The following CMIP variants were observed in gnomAD, a reference collection of about 807,000 sequenced individuals.
CMIP encodes C-Maf-inducing protein.
CMIP carries 13 observed loss-of-function variants against 97.3 expected under a neutral mutation model. That is an observed-to-expected ratio of 0.13 (90% CI 0.09 to 0.21). The LOEUF (loss-of-function observed/expected upper bound fraction) is 0.21, where lower values mean the gene tolerates loss of function less well. Ranked by LOEUF, CMIP falls within the 10% of genes least tolerant of loss-of-function variation. CMIP has a pLI of 1.00. For synonymous variants in CMIP, 538 were observed against 436.3 expected, an observed-to-expected ratio of 1.23 and a Z score of -2.91; for missense variants, 847 against 1,024.9, an observed-to-expected ratio of 0.83 and a Z score of 2.37.
At chr16:81,582,176 TC>T (rs1280781185) in intron 1 of CMIP, among the ~76,000 whole-genome samples, 2 of 152,034 alleles carry the variant, frequency 1.3e-5, no homozygotes, top group African/African-American at 4.8e-5. Context: ...TCCAATCACC[TC>T]CCACAGGCCC....
intron 1 of CMIP, among the ~76,000 whole-genome samples, chr16:81,581,201 C>T (rs1376659640): frequency 6.6e-6 from 1 of 152,122 alleles, no homozygotes; most frequent in East Asian, 1.9e-4. Context: ...GTGTTGTTTT[C>T]ACCTTTTTGG....
intron 1 of CMIP, among the ~76,000 whole-genome samples, chr16:81,602,097 A>T (rs939823307): frequency 6.6e-6 from 1 of 152,230 alleles, no homozygotes; most frequent in African/African-American, 2.4e-5. Context: ...GGAGTTGTGC[A>T]TGGCAGCATA....
chr16:81,470,140 T>C (rs1907434966), intron 1 of CMIP, among the ~76,000 whole-genome samples: 1 of 152,216 alleles, frequency 6.6e-6, no homozygotes, highest in Admixed American at 6.5e-5. Flanking sequence ...CTTTTGACAG[T>C]TTCAGTTTAA....
At chr16:81,675,962 G>A (rs1428692429) in intron 9 of CMIP, among the ~76,000 whole-genome samples, 1 of 152,240 alleles carries the variant, frequency 6.6e-6, no homozygotes, top group South Asian at 2.1e-4. Flanking sequence ...TTCAGTGGCA[G>A]AACTTTTATC....
At chr16:81,562,505 C>G (rs970686397) in intron 1 of CMIP, among the ~76,000 whole-genome samples, 1 of 152,260 alleles carries the variant, frequency 6.6e-6, no homozygotes, top group Non-Finnish European at 1.5e-5. Context: ...AGCTGCGGGC[C>G]TCTTGGACCA....
intron 1 of CMIP, among the ~76,000 whole-genome samples, chr16:81,469,755 T>A (rs1439058663): frequency 3.9e-5 from 6 of 152,232 alleles, no homozygotes; most frequent in Non-Finnish European, 7.3e-5. Context: ...ACATTCTGAT[T>A]ACGTTAGTTA....
At chr16:81,488,714 C>T (rs2089359423) in intron 1 of CMIP, among the ~76,000 whole-genome samples, 1 of 152,122 alleles carries the variant, frequency 6.6e-6, no homozygotes, top group Non-Finnish European at 1.5e-5. Flanking sequence ...TCAGGAGAGC[C>T]TTGGGAGGGC....
Position 81,495,516 on chromosome 16 carries a change from G to A in CMIP, c.300+49975G>A, listed in dbSNP as rs1469734580. On this transcript the variant is annotated intron_variant, in intron 1 of 20. Transcript: ENST00000537098. ...TGAGGTACAGTCCCATGTGGGGAAC[G>A]ACTCTGTCCAGCTTGATGTCTGTGC... 9.3e-6 allele frequency: 15 copies of A among 1,612,108 alleles called. 1 individual carries two copies. The Middle Eastern group carries it at 6.6e-4, about 71-fold the overall frequency.
At chr16:81,448,430 G>T (rs1905999986) in intron 1 of CMIP, among the ~76,000 whole-genome samples, 1 of 152,250 alleles carries the variant, frequency 6.6e-6, no homozygotes, top group Non-Finnish European at 1.5e-5. Context: ...GATGCAGGCA[G>T]ACTCGGGCTC....
intron 2 of CMIP, among the ~76,000 whole-genome samples, chr16:81,608,526 G>T (rs2091780755): frequency 6.6e-6 from 1 of 151,926 alleles, no homozygotes; most frequent in Non-Finnish European, 1.5e-5. Flanking sequence ...TCTCATGGAA[G>T]ATCCTGATTG....
chr16:81,462,851 T>C (rs1369906871), intron 1 of CMIP, among the ~76,000 whole-genome samples: 2 of 152,200 alleles, frequency 1.3e-5, no homozygotes, highest in Non-Finnish European at 2.9e-5. Flanking sequence ...TGGCTCTCAG[T>C]GTGACCTTGG....
chr16:81,666,761 A>G (rs918091057), intron 7 of CMIP: 4 of 152,232 alleles, frequency 2.6e-5, no homozygotes, highest in Non-Finnish European at 5.9e-5. Context: ...AGGACCGAGG[A>G]GGATCCGCCT....
chr16:81,449,460 G>A (rs767143712), intron 1 of CMIP, among the ~76,000 whole-genome samples: 36 of 152,202 alleles, frequency 2.4e-4, no homozygotes, highest in South Asian at 1.0e-3. Flanking sequence ...GCTGAGCTAA[G>A]AGTTACACAT....
intron 1 of CMIP, among the ~76,000 whole-genome samples, chr16:81,526,782 C>G (rs769527366): frequency 6.6e-6 from 1 of 152,204 alleles, no homozygotes; most frequent in Non-Finnish European, 1.5e-5. Context: ...GGCCCCAGCC[C>G]GCCAGAGGAG....
At position 81,621,154 on chromosome 16, in the gene CMIP, C is replaced by G. The variant is rs867269187; in HGVS notation, c.477+228C>G. On this transcript the variant is annotated intron_variant, in intron 3 of 20. Coordinates refer to ENST00000537098, the MANE Select transcript of CMIP (RefSeq NM_198390.3). The surrounding 1 kb of genome is among the most constrained non-coding windows in gnomAD (Gnocchi z 4.1). The stretch of plus-strand genomic sequence containing the variant: ...CATTCTCGCCCTGGTGTTCTCAAAC[C>G]CTATAGCTGTTTTCCTGCTTCAAAA... 2.5e-4 allele frequency: 122 copies of G among 492,344 alleles called. No individual in the cohort carries two copies. Among genetic ancestry groups the G allele is most frequent in the Middle Eastern group, 2.2e-3 (4 of 1,832 alleles). The allele number at this position is 492,344 out of a possible 1,614,324, so 30.5% of individuals were successfully genotyped here.
intron 10 of CMIP, among the ~76,000 whole-genome samples, chr16:81,684,368 A>G (rs575655276): frequency 2.0e-5 from 3 of 152,356 alleles, no homozygotes; most frequent in Admixed American, 2.0e-4. Context: ...GGGCCTTCTC[A>G]TGCCCCGTGC....
In CMIP at chr16:81,705,603, C is replaced by CTG; in HGVS notation, c.2197+2_2197+3dup. ...CAGACGCTGGCCTGCTGGCCCTGAG[C>CTG]TGTGAGTGCCTCCGGGGCAGCTGGG... On this transcript the variant is annotated frameshift_variant and splice_region_variant, in exon 19 of 21. Transcript: ENST00000537098. LOFTEE classifies it high-confidence loss of function. 6.3e-7 allele frequency: 1 copy of CTG among 1,590,042 alleles called. No homozygotes were observed. The highest frequency in any genetic ancestry group is 8.6e-7 in the Non-Finnish European group (1 of 1,168,278).
At chr16:81,622,540 A>G (rs1220989539) in intron 3 of CMIP, among the ~76,000 whole-genome samples, 2 of 152,042 alleles carry the variant, frequency 1.3e-5, no homozygotes, top group Non-Finnish European at 2.9e-5. Flanking sequence ...TCCCTTCCCC[A>G]TGGTGTTTTA....
At chr16:81,612,099 G>GT in intron 2 of CMIP, among the ~76,000 whole-genome samples, 1 of 152,254 alleles carries the variant, frequency 6.6e-6, no homozygotes, top group Non-Finnish European at 1.5e-5. Flanking sequence ...GGCCAAGCAT[G>GT]TAAGTACATA....
Sources: gnomAD v4.1 joint callset for allele counts (sites outside exome capture counted in the v4.1 genomes callset) on GRCh38, gnomAD v4.1.1 for gene constraint, Gnocchi (gnomAD v3.1) non-coding constraint, MANE v1.5 for transcripts, NCBI Gene and HGNC (gene_info 2026-07-23, HGNC 2026-07-21) for gene names.